Variants in RPSA2 observed in about 807,000 individuals in gnomAD.
RPSA2 encodes ribosomal protein SA 2.
chr19:23,809,040 G>A, the RPSA2 span: 1 of 192,642 alleles, frequency 5.2e-6, no homozygotes, highest in Non-Finnish European at 1.1e-5. Context: ...AATTTACAGT[G>A]ACAGCTAAAG....
the RPSA2 span, among the ~76,000 whole-genome samples, chr19:23,851,374 C>A: frequency 6.6e-6 from 1 of 152,064 alleles, no homozygotes; most frequent in Non-Finnish European, 1.5e-5. Flanking sequence ...AACTTCTGAG[C>A]TTCTTGGGTT....
the RPSA2 span, among the ~76,000 whole-genome samples, chr19:23,835,394 T>C: frequency 3.2e-4 from 49 of 152,038 alleles, no homozygotes; most frequent in African/African-American, 1.2e-3. Flanking sequence ...CAGAAAAAAA[T>C]ATTAGAACAA....
chr19:23,842,315 G>A, the RPSA2 span, among the ~76,000 whole-genome samples: 152,052 of 152,344 alleles, frequency 1, 75,881 homozygotes, highest in Middle Eastern at 1. Context: ...TCTATGCCGT[G>A]TTATTCAGAA....
At chr19:23,835,880 C>A in the RPSA2 span, among the ~76,000 whole-genome samples, 2 of 152,150 alleles carry the variant, frequency 1.3e-5, no homozygotes, top group Non-Finnish European at 2.9e-5. Context: ...GTGATCCATC[C>A]ACCTCAGCCT....
the RPSA2 span, among the ~76,000 whole-genome samples, chr19:23,769,114 A>C: frequency 1.3e-5 from 2 of 152,152 alleles, no homozygotes; most frequent in Middle Eastern, 3.2e-3. Context: ...CATCGCTGAG[A>C]CTGTGTGACT....
chr19:23,797,595 G>A, the RPSA2 span, among the ~76,000 whole-genome samples: 2 of 152,066 alleles, frequency 1.3e-5, no homozygotes, highest in East Asian at 1.9e-4. Context: ...TGTCTATTAG[G>A]ACTATTTGGT....
the RPSA2 span, among the ~76,000 whole-genome samples, chr19:23,847,457 C>A: frequency 6.6e-6 from 1 of 151,924 alleles, no homozygotes; most frequent in African/African-American, 2.4e-5. Context: ...CATCACATAT[C>A]GGTAGGACCA....
the RPSA2 span, among the ~76,000 whole-genome samples, chr19:23,848,327 G>T: frequency 5.9e-5 from 9 of 152,112 alleles, no homozygotes; most frequent in Non-Finnish European, 1.5e-5. Flanking sequence ...GGCGATGAAG[G>T]CTTGTTCATT....
the RPSA2 span, among the ~76,000 whole-genome samples, chr19:23,780,046 G>C: frequency 5.9e-5 from 9 of 152,118 alleles, no homozygotes; most frequent in East Asian, 1.5e-3. Flanking sequence ...CCAGCTCACA[G>C]GTCTGATGAT....
chr19:23,772,757 G>A, the RPSA2 span, among the ~76,000 whole-genome samples: 1 of 152,284 alleles, frequency 6.6e-6, no homozygotes, highest in African/African-American at 2.4e-5. Flanking sequence ...ACTGTCCACA[G>A]TTGGAATTGT....
At chr19:23,826,607 C>T in the RPSA2 span, among the ~76,000 whole-genome samples, 2 of 152,108 alleles carry the variant, frequency 1.3e-5, no homozygotes, top group Non-Finnish European at 2.9e-5. Flanking sequence ...TGGCTCATTT[C>T]ATTTTGCATA....
At chr19:23,762,939 G>A in the RPSA2 span, 1 of 151,914 alleles carries the variant, frequency 6.6e-6, no homozygotes, top group East Asian at 1.9e-4. Flanking sequence ...CCCAATCAGG[G>A]GCGCAGCCGG....
chr19:23,832,441 CATAAG>C, the RPSA2 span: 1 of 491,882 alleles, frequency 2.0e-6, no homozygotes, highest in Non-Finnish European at 4.1e-6. Context: ...CCTAACTAGA[CATAAG>C]AGGATACACA....
the RPSA2 span, among the ~76,000 whole-genome samples, chr19:23,761,901 A>ATCCATCCTTCCATCC: frequency 2.9e-5 from 1 of 34,016 alleles, no homozygotes; most frequent in African/African-American, 9.6e-5. Flanking sequence ...GGGTAACGTA[A>ATCCATCCTTCCATCC]TTCTTTCTTT....
At chr19:23,761,927 T>TCTTTCCTTCCTTTCTTTC in the RPSA2 span, among the ~76,000 whole-genome samples, 1 of 62,356 alleles carries the variant, frequency 1.6e-5, no homozygotes, top group African/African-American at 7.1e-5. Flanking sequence ...TTTCTTTTTT[T>TCTTTCCTTCCTTTCTTTC]TTTTTTTTGA....
At chr19:23,856,865 C>T in the RPSA2 span, among the ~76,000 whole-genome samples, 1 of 152,104 alleles carries the variant, frequency 6.6e-6, no homozygotes, top group African/African-American at 2.4e-5. Context: ...TCACGTGCTT[C>T]AAAGGGCAAT....
the RPSA2 span, among the ~76,000 whole-genome samples, chr19:23,762,120 G>A: frequency 6.6e-6 from 1 of 150,614 alleles, no homozygotes; most frequent in Non-Finnish European, 1.5e-5. Flanking sequence ...GTTTCACCAT[G>A]TTGGTCAGGC....
the RPSA2 span, among the ~76,000 whole-genome samples, chr19:23,761,908 C>CA: frequency 3.6e-5 from 1 of 27,770 alleles, no homozygotes. Context: ...GTAATTCTTT[C>CA]TTTCTTTCTT....
chr19:23,818,863 A>C, the RPSA2 span: 1 of 152,768 alleles, frequency 6.5e-6, no homozygotes, highest in African/African-American at 2.4e-5. Flanking sequence ...TTGCAGATTG[A>C]GTAGGTTATC....
Sources: allele counts gnomAD v4.1 joint callset (sites outside exome capture counted in the v4.1 genomes callset), GRCh38; gene constraint gnomAD v4.1.1; transcripts MANE v1.5; gene names NCBI Gene and HGNC (gene_info 2026-07-23, HGNC 2026-07-21).